Variants in UBR4 observed in about 807,000 individuals in gnomAD.
UBR4 encodes E3 ubiquitin-protein ligase UBR4.
UBR4 carries 124 observed loss-of-function variants against 575.6 expected under a neutral mutation model. That is an observed-to-expected ratio of 0.22 (90% CI 0.19 to 0.25). The LOEUF (loss-of-function observed/expected upper bound fraction) is 0.25, where lower values mean the gene tolerates loss of function less well. Ranked by LOEUF, UBR4 falls within the 10% of genes least tolerant of loss-of-function variation. The pLI, the probability that UBR4 is intolerant of heterozygous loss-of-function variation, is 1.00. For synonymous variants in UBR4, 2,455 were observed against 2,473.7 expected (o/e 0.99, Z 0.22); for missense variants, 4,818 against 6,478.8 (o/e 0.74, Z 8.80).
At chr1:19,168,402 C>T (rs550383380) in intron 27 of UBR4, among the ~76,000 whole-genome samples, 7 of 152,252 alleles carry the variant, frequency 4.6e-5, no homozygotes, top group South Asian at 4.1e-4. Flanking sequence ...TTAAATGCAA[C>T]GAATATCCAA....
intron 92 of UBR4, 39 bp from the exon 93 acceptor site, chr1:19,095,691 G>A (rs1025833033): frequency 6.3e-7 from 1 of 1,589,666 alleles, no homozygotes; most frequent in East Asian, 2.2e-5. Flanking sequence ...GAGGCCACAT[G>A]AGAGTGTAGG....
chr1:19,150,443 T>C, intron 49 of UBR4, 134 bp downstream of exon 49: 1 of 941,302 alleles, frequency 1.1e-6, no homozygotes, highest in Non-Finnish European at 1.6e-6. Flanking sequence ...TGTGGGCGAG[T>C]TGTATGAAAA....
Position 19,086,140 on chromosome 1 carries a change from C to T in UBR4, c.14813+5G>A, listed in dbSNP as rs377279748. 8.1e-6 allele frequency: 13 copies of T among 1,613,754 alleles called. No individual in the cohort carries two copies. Among genetic ancestry groups the T allele is most frequent in the Admixed American group, 1.7e-5 (1 of 60,000 alleles). On this transcript the variant is annotated splice_donor_5th_base_variant and intron_variant, in intron 101 of 105. Coordinates refer to ENST00000375254, the MANE Select transcript of UBR4 (RefSeq NM_020765.3). The stretch of plus-strand genomic sequence containing the variant: ...ATTCCACCATGAAAAATACTCAACA[C>T]TCACCTTGCCAAGCAAGTGGCAAAA...
chr1:19,149,855 G>A lies in UBR4; in HGVS notation c.7430+722C>T, dbSNP rs190583777. 259 of 1,263,016 alleles carry A rather than the reference G, an allele frequency of 2.1e-4. 1 individual carries two copies. In the African/African-American group the frequency reaches 3.2e-3, roughly 15 times the overall value. 78.2% of individuals were successfully genotyped at this position (1,263,016 alleles called of 1,614,324 possible). A position where few individuals can be genotyped will look rare whatever the true frequency, so the allele number is the denominator to read the frequency against. ...AAAAATGTGAAGCTCAGAGAAACCC[G>A]GAAACACATCCTAAGCAAACCATGT... On this transcript the variant is annotated intron_variant, in intron 49 of 105. Coordinates refer to ENST00000375254, the MANE Select transcript of UBR4 (RefSeq NM_020765.3).
intron 14 of UBR4, 149 bp from the exon 15 acceptor site, chr1:19,185,435 T>G: frequency 1.4e-6 from 1 of 716,452 alleles, no homozygotes; most frequent in Non-Finnish European, 2.1e-6. Flanking sequence ...GTATCAAAAC[T>G]CATCTAAATG....
rs764032331 is a variant in UBR4 at position 19,148,645 on chromosome 1, T to C, written c.7431-19A>G. On this transcript the variant is annotated intron_variant, in intron 49 of 105. Coordinates refer to ENST00000375254, the MANE Select transcript of UBR4 (RefSeq NM_020765.3). ...AACCAGCCTGGGGAGACAGAAAACC[T>C]GGCTTGAGTACAACACCGTTCTCTC... 12 of 1,614,040 alleles carry C rather than the reference T, an allele frequency of 7.4e-6. No homozygotes were observed. In the African/African-American group the frequency reaches 1.2e-4, roughly 16 times the overall value.
Position 19,110,592 on chromosome 1 carries a change from C to G in UBR4, c.11893-128G>C. The G allele has an allele frequency of 7.5e-7, 1 of 1,331,012 alleles. No homozygotes were observed. The highest frequency in any genetic ancestry group is 1.1e-6 in the Non-Finnish European group (1 of 935,132). 82.5% of individuals were successfully genotyped at this position (1,331,012 alleles called of 1,614,324 possible). A position where few individuals can be genotyped will look rare whatever the true frequency, so the allele number is the denominator to read the frequency against. ...CAAAGGACAGACGGAGACCCTTGTG[C>G]TCCAGGCTCTTCCCTGGGAAAACCA... is the stretch of plus-strand genomic sequence containing the variant. On this transcript the variant is annotated intron_variant, in intron 79 of 105. Coordinates refer to ENST00000375254, the MANE Select transcript of UBR4 (RefSeq NM_020765.3). This position sits in a 1 kb window ranked among gnomAD's most constrained non-coding sequence, Gnocchi z 4.5.
Position 19,150,601 on chromosome 1 carries a change from G to A in UBR4, c.7406C>T (p.Thr2469Met), listed in dbSNP as rs751767810. The change falls in exon 49 of 106, where the codon ACG becomes ATG. Residue 2469 changes from threonine (T) to methionine (M), a missense_variant. By Grantham distance (81) the Thr-to-Met change is moderately conservative. Around this residue, in one of 29 missense-constraint regions of UBR4, gnomAD observed 340 missense variants for 375.4 expected, o/e 0.91. Coordinates refer to ENST00000375254, the MANE Select transcript of UBR4 (RefSeq NM_020765.3). ...CCTCTCCAGGACAGTTCCACTGGTC[G>A]TAGTGGGGGCAGCTGAGTCGCTATC... ...TGDSDSAAPTTTSGTVLERLV... is the reference protein window; with the variant it reads ...TGDSDSAAPTMTSGTVLERLV... The A allele has an allele frequency of 3.3e-5, 54 of 1,613,478 alleles. No homozygotes were observed. The highest frequency in any genetic ancestry group is 2.0e-4 in the South Asian group (18 of 91,050).
At chr1:19,120,074 T>C in intron 69 of UBR4, 106 bp downstream of exon 69, 5 of 1,338,086 alleles carry the variant, frequency 3.7e-6, no homozygotes, top group Non-Finnish European at 5.2e-6. Flanking sequence ...CAGGCTGGCG[T>C]AACTACTGAC....
At position 19,100,527 on chromosome 1, in the gene UBR4, G is replaced by T. The variant is rs202236835; in HGVS notation, c.13070C>A (p.Pro4357His). 72 of 1,613,888 alleles carry T rather than the reference G, an allele frequency of 4.5e-5. No homozygotes were observed. Among genetic ancestry groups the T allele is most frequent in the Non-Finnish European group, 3.0e-5 (35 of 1,180,008 alleles). ...GCCCTGTAAGAAGTCTTCTTGTTGG[G>T]GATCCTTCTCCAGGGTCACAAAGAA... ...TEFFVTLEKD[P>H]QQEDFLQGRM... The change falls in exon 89 of 106, where the codon CCC becomes CAC. Residue 4357 changes from proline (P) to histidine (H), a missense_variant. Coordinates refer to ENST00000375254, the MANE Select transcript of UBR4 (RefSeq NM_020765.3). The surrounding 1 kb of genome is among the most constrained non-coding windows in gnomAD (Gnocchi z 4.2).
At chr1:19,180,544 A>AT (rs2090829613) in intron 17 of UBR4, among the ~76,000 whole-genome samples, 1 of 151,586 alleles carries the variant, frequency 6.6e-6, no homozygotes, top group Non-Finnish European at 1.5e-5. Flanking sequence ...AACAATTCAA[A>AT]AAAAAAAAAA....
chr1:19,127,544 C>A, intron 63 of UBR4, 79 bp downstream of exon 63: 1 of 1,067,900 alleles, frequency 9.4e-7, no homozygotes, highest in Non-Finnish European at 1.4e-6. Flanking sequence ...CAGAGGACTA[C>A]CACCTCTGTG....
rs1234801670 is a variant in UBR4, at chr1:19,205,022, AAAAT to A, written c.177-3211_177-3208del. On this transcript the variant is annotated intron_variant, in intron 1 of 105. Transcript: ENST00000375254. Reference sequence around the variant, plus strand: ...GGAAGCAAATATAAGCACGGGAAGGAAAATAAAGAGATAGAGGTGAAAGTACATC... The same window carrying A: ...GGAAGCAAATATAAGCACGGGAAGGAAAAGAGATAGAGGTGAAAGTACATC... Among the ~76,000 whole-genome samples the A allele has an allele frequency of 2.0e-5, 3 of 152,332 alleles. No homozygotes were observed. The East Asian group carries it at 5.8e-4, about 29-fold the overall frequency.
chr1:19,110,847 A>T lies in UBR4; in HGVS notation c.11802-15T>A. 6.2e-7 allele frequency: 1 copy of T among 1,611,712 alleles called. No individual in the cohort carries two copies. The highest frequency in any genetic ancestry group is 1.7e-4 in the Middle Eastern group (1 of 6,044). ...CTGGGTTGTCTCTGCAGAAGCAAAT[A>T]GAAATGGAGTCCTATAATTCACAAT... On this transcript the variant is annotated splice_polypyrimidine_tract_variant and intron_variant, in intron 78 of 105. Coordinates refer to ENST00000375254, the MANE Select transcript of UBR4 (RefSeq NM_020765.3). The surrounding 1 kb of genome is among the most constrained non-coding windows in gnomAD (Gnocchi z 4.5).
At position 19,164,243 on chromosome 1, in the gene UBR4, A is replaced by T. The variant is rs756647991; in HGVS notation, c.4700+10T>A. 1 of 1,608,050 alleles carries T rather than the reference A, an allele frequency of 6.2e-7. No individual in the cohort carries two copies. Among genetic ancestry groups the T allele is most frequent in the East Asian group, 2.2e-5 (1 of 44,720 alleles). The stretch of plus-strand genomic sequence containing the variant: ...TGTTGTAACCTACAGATACAACTTC[A>T]TCATCTTACCATCTGCTCAGCCAAT... On this transcript the variant is annotated intron_variant, in intron 33 of 105. Coordinates refer to ENST00000375254, the MANE Select transcript of UBR4 (RefSeq NM_020765.3).
chr1:19,149,131 T>C (rs977527892), intron 49 of UBR4, among the ~76,000 whole-genome samples: 11 of 152,326 alleles, frequency 7.2e-5, no homozygotes, highest in Admixed American at 2.0e-4. Flanking sequence ...TGCATGCCAA[T>C]TGCCAACATT....
intron 22 of UBR4, among the ~76,000 whole-genome samples, chr1:19,174,088 C>T (rs143785715): frequency 0.012 from 1,794 of 152,214 alleles, 17 homozygotes; most frequent in Middle Eastern, 0.027. Flanking sequence ...GGGGGGGGAC[C>T]ACTAACTCTT....
Position 19,173,171 on chromosome 1 carries a change from T to C in UBR4, c.3291+10A>G, listed in dbSNP as rs1557899604. ...CCAAGTTCTATCATTTAGGTTCCAA[T>C]ATTACATACCTGTCGAGCGAAGTAT... On this transcript the variant is annotated intron_variant, in intron 24 of 105. Coordinates refer to ENST00000375254, the MANE Select transcript of UBR4 (RefSeq NM_020765.3). The C allele has an allele frequency of 3.7e-6, 6 of 1,614,188 alleles. No individual in the cohort carries two copies. The highest frequency in any genetic ancestry group is 5.1e-6 in the Non-Finnish European group (6 of 1,180,028).
rs1320868185 is a variant in UBR4, at chr1:19,192,520, A to G, written c.1164T>C (p.Ile388=). ...GGCGAGAACTGCTGATTGCTTGTCC[A>G]ATCATGTCATAGATTTCGAGCTGTA... is the stretch of plus-strand genomic sequence containing the variant. The part of the protein sequence containing the change: ...VQKCLEIYDM[I]GQAISSSRRA... Residue 388 remains isoleucine (I), a synonymous_variant, in exon 10 of 106, where the codon ATT becomes ATC. Transcript: ENST00000375254. The G allele has an allele frequency of 6.2e-7, 1 of 1,614,126 alleles. No homozygotes were observed. The highest frequency in any genetic ancestry group is 1.7e-5 in the Admixed American group (1 of 60,024).
Sources: gnomAD v4.1 joint callset for allele counts (sites outside exome capture counted in the v4.1 genomes callset) on GRCh38, gnomAD v4.1.1 for gene constraint, gnomAD v4.1.1 regional missense constraint, Gnocchi (gnomAD v3.1) non-coding constraint, MANE v1.5 for transcripts, NCBI Gene and HGNC (gene_info 2026-07-23, HGNC 2026-07-21) for gene names.